Variants in DAB1 observed in about 807,000 individuals in gnomAD.
DAB1 encodes the protein DAB adaptor protein 1, also known as disabled homolog 1.
A neutral mutation model predicts 64.6 loss-of-function variants in DAB1; 15 were observed. The ratio of observed to expected loss-of-function variants is 0.23; its 90% CI spans 0.16 to 0.36. DAB1 has a LOEUF of 0.36. Among genes scored for constraint, DAB1 ranks in the 10% least tolerant of loss-of-function variants. The pLI, the probability that DAB1 is intolerant of heterozygous loss-of-function variation, is 1.00. For synonymous variants in DAB1, 235 were observed against 251.9 expected (o/e 0.93, Z 0.64); for missense variants, 596 against 706.7 (o/e 0.84, Z 1.78).
chr1:58,350,867 G>A (rs978711036), intron 3 of DAB1, among the ~76,000 whole-genome samples: 5 of 152,150 alleles, frequency 3.3e-5, no homozygotes, highest in Non-Finnish European at 4.4e-5. Context: ...TAGTCTTGTA[G>A]TATAGTTTGA....
chr1:57,610,222 C>T (rs1194295847), intron 7 of DAB1, among the ~76,000 whole-genome samples: 1 of 152,194 alleles, frequency 6.6e-6, no homozygotes, highest in Admixed American at 6.5e-5. Context: ...GTGAATTCAT[C>T]TTTTCCACTA....
intron 5 of DAB1, among the ~76,000 whole-genome samples, chr1:58,037,031 G>A (rs1187740858): frequency 6.6e-6 from 1 of 151,990 alleles, no homozygotes; most frequent in Non-Finnish European, 1.5e-5. Flanking sequence ...CTAGAATGAA[G>A]ACCCTAGGAT....
intron 5 of DAB1, among the ~76,000 whole-genome samples, chr1:58,092,890 C>T (rs1184551687): frequency 6.6e-6 from 1 of 152,224 alleles, no homozygotes; most frequent in African/African-American, 2.4e-5. Flanking sequence ...CTGCACTCTA[C>T]TCCCAGTTTG....
intron 1 of DAB1, among the ~76,000 whole-genome samples, chr1:57,308,499 T>C (rs1674389768): frequency 6.6e-6 from 1 of 152,110 alleles, no homozygotes; most frequent in Non-Finnish European, 1.5e-5. Context: ...GAACTTAACA[T>C]GTAAAGTGGG....
chr1:58,477,813 T>C (rs746347602), intron 3 of DAB1, among the ~76,000 whole-genome samples: 13 of 152,162 alleles, frequency 8.5e-5, no homozygotes, highest in East Asian at 3.9e-4. Context: ...TTCTGTCAGT[T>C]TGAGGCAACG....
chr1:57,374,268 T>C (rs1680727144), intron 1 of DAB1, among the ~76,000 whole-genome samples: 1 of 152,212 alleles, frequency 6.6e-6, no homozygotes, highest in South Asian at 2.1e-4. Context: ...TAAGAATAGA[T>C]AAGCATTTTT....
chr1:57,783,106 CT>C (rs58761251), intron 6 of DAB1, among the ~76,000 whole-genome samples: 44 of 99,888 alleles, frequency 4.4e-4, no homozygotes, highest in East Asian at 9.4e-4. Flanking sequence ...TCTCTCTTTT[CT>C]TTTTTTTTTT....
At chr1:57,027,260 C>T (rs1646820738) in intron 9 of DAB1, among the ~76,000 whole-genome samples, 1 of 152,146 alleles carries the variant, frequency 6.6e-6, no homozygotes, top group Non-Finnish European at 1.5e-5. Flanking sequence ...AGCCCCAGGT[C>T]AGGGAGGGTC....
intron 6 of DAB1, among the ~76,000 whole-genome samples, chr1:57,772,490 G>T (rs1317124800): frequency 6.6e-6 from 1 of 152,106 alleles, no homozygotes; most frequent in African/African-American, 2.4e-5. Flanking sequence ...GAACATTCAT[G>T]TGCAGCTCTA....
intron 3 of DAB1, among the ~76,000 whole-genome samples, chr1:58,366,913 CATTA>C (rs1644223021): frequency 6.6e-6 from 1 of 152,176 alleles, no homozygotes; most frequent in Non-Finnish European, 1.5e-5. Context: ...TAATAGTACA[CATTA>C]ATTGGTCATA....
intron 1 of DAB1, among the ~76,000 whole-genome samples, chr1:57,390,893 G>A (rs1036917643): frequency 3.3e-5 from 5 of 152,130 alleles, no homozygotes; most frequent in Admixed American, 2.0e-4. Context: ...ATTCCTAGCT[G>A]TCCTCCTTCT....
intron 2 of DAB1, among the ~76,000 whole-genome samples, chr1:57,148,626 T>G (rs1339813194): frequency 6.6e-6 from 1 of 152,176 alleles, no homozygotes; most frequent in African/African-American, 2.4e-5. Flanking sequence ...TGCTTCAAGA[T>G]GGGCAAGAGA....
intron 7 of DAB1, among the ~76,000 whole-genome samples, chr1:57,591,646 T>G (rs1645446808): frequency 6.6e-6 from 1 of 152,226 alleles, no homozygotes; most frequent in Admixed American, 6.5e-5. Context: ...TAAAATGGGG[T>G]TGATAATATC....
At chr1:57,850,557 G>C (rs943027981) in intron 1 of DAB1, among the ~76,000 whole-genome samples, 5 of 152,074 alleles carry the variant, frequency 3.3e-5, no homozygotes, top group African/African-American at 1.2e-4. Flanking sequence ...ACCTCATAGG[G>C]GAAATCCTTT....
At chr1:58,319,213 TC>T (rs1366336570) in intron 4 of DAB1, among the ~76,000 whole-genome samples, 1 of 151,818 alleles carries the variant, frequency 6.6e-6, no homozygotes, top group East Asian at 1.9e-4. Flanking sequence ...GTGTCTGAAT[TC>T]CCCCCTCAAA....
intron 6 of DAB1, among the ~76,000 whole-genome samples, chr1:57,731,657 T>C (rs1162944266): frequency 6.6e-6 from 1 of 151,962 alleles, no homozygotes; most frequent in Non-Finnish European, 1.5e-5. Context: ...ATACAAAAAT[T>C]AGCCAGGCAT....
chr1:57,601,090 T>C (rs1451823069), intron 7 of DAB1, among the ~76,000 whole-genome samples: 1 of 152,094 alleles, frequency 6.6e-6, no homozygotes, highest in Non-Finnish European at 1.5e-5. Context: ...GCCGATATTA[T>C]AAGATAAAAA....
rs550437287 is a variant in DAB1 at position 57,452,661 on chromosome 1, C to T, written n.626-161495G>A. Among the ~76,000 whole-genome samples, 6 of 152,266 alleles carry T rather than the reference C, an allele frequency of 3.9e-5. No individual in the cohort carries two copies. In the South Asian group the frequency reaches 1.2e-3, roughly 32 times the overall value. On this transcript the variant is annotated intron_variant and non_coding_transcript_variant, in intron 7 of 20. Transcript: ENST00000485760. The stretch of plus-strand genomic sequence containing the variant: ...CTCCTCTCCTGGTCCTGTTCTTAGA[C>T]TCTTATTATCCTATGTGCCAGGCTC...
intron 5 of DAB1, among the ~76,000 whole-genome samples, chr1:57,956,796 G>A (rs1645403115): frequency 6.6e-6 from 1 of 152,230 alleles, no homozygotes; most frequent in African/African-American, 2.4e-5. Flanking sequence ...CAACTGAAGT[G>A]GATATTTCAA....
Sources: allele counts gnomAD v4.1 joint callset (sites outside exome capture counted in the v4.1 genomes callset), GRCh38; gene constraint gnomAD v4.1.1; transcripts MANE v1.5; gene names NCBI Gene and HGNC (gene_info 2026-07-23, HGNC 2026-07-21).